Variants in STK32B observed in about 807,000 individuals in gnomAD.
STK32B encodes serine/threonine-protein kinase 32B.
Under a neutral mutation model 52.6 loss-of-function variants are expected in STK32B, and 43 were observed. The ratio of observed to expected loss-of-function variants is 0.82; its 90% confidence interval spans 0.64 to 1.05. The LOEUF (loss-of-function observed/expected upper bound fraction) is 1.05. Among genes scored for constraint, STK32B ranks in the 50% least tolerant of loss-of-function variants. STK32B has a pLI of 0.00. For missense variants in STK32B, 621 were observed against 534.6 expected, an observed-to-expected ratio of 1.16 and a Z score of -1.59; for synonymous variants, 238 against 204.3, an observed-to-expected ratio of 1.17 and a Z score of -1.41.
intron 1 of STK32B, among the ~76,000 whole-genome samples, chr4:5,106,016 T>C (rs1400990031): frequency 2.6e-5 from 4 of 151,984 alleles, no homozygotes. Context: ...ATAGAGGATA[T>C]CCTTGGCCAG....
intron 3 of STK32B, among the ~76,000 whole-genome samples, chr4:5,314,373 A>G (rs901494358): frequency 6.6e-6 from 1 of 152,198 alleles, no homozygotes; most frequent in East Asian, 1.9e-4. Context: ...TGCCTTACAT[A>G]TTTTTAAAAA....
At chr4:5,081,254 A>T (rs544679314) in intron 1 of STK32B, among the ~76,000 whole-genome samples, 1 of 152,134 alleles carries the variant, frequency 6.6e-6, no homozygotes, top group Non-Finnish European at 1.5e-5. Context: ...GGAGTTCCCT[A>T]TGTGTAGTGA....
At position 5,304,759 on chromosome 4, in the gene STK32B, C is replaced by T. The variant is rs561135472; in HGVS notation, c.261-26461C>T. 2.9e-3 allele frequency among the ~76,000 whole-genome samples: 342 copies of T among 118,482 alleles called. 1 individual carries two copies. The highest frequency in any genetic ancestry group is 4.3e-3 in the Non-Finnish European group (274 of 63,516). The allele number at this position is 118,482 out of a possible 152,430, so 77.7% of individuals were successfully genotyped here. A position where few individuals can be genotyped will look rare whatever the true frequency, so the allele number is the denominator to read the frequency against. ...TGAAAGCGGGCATCCTTGTCTTGTTCCAGTTATCGGGGAGGGGGGGTGCTT... is the reference window on the plus strand; with the variant it reads ...TGAAAGCGGGCATCCTTGTCTTGTTTCAGTTATCGGGGAGGGGGGGTGCTT... On this transcript the variant is annotated intron_variant, in intron 3 of 11. Transcript: ENST00000282908.
chr4:5,338,825 C>G (rs1274522244), intron 4 of STK32B, among the ~76,000 whole-genome samples: 4 of 152,156 alleles, frequency 2.6e-5, no homozygotes, highest in Non-Finnish European at 5.9e-5. Context: ...GTTTTAAAGT[C>G]TACTAGGCAA....
intron 1 of STK32B, among the ~76,000 whole-genome samples, chr4:5,091,392 A>G (rs888020949): frequency 3.9e-5 from 6 of 152,140 alleles, no homozygotes; most frequent in African/African-American, 1.4e-4. Context: ...TAAAAAGACA[A>G]CCCAATTTTA....
intron 3 of STK32B, among the ~76,000 whole-genome samples, chr4:5,291,226 ATAATTGTGTTGAATCTGTAGAT>A (rs1728874612): frequency 1.3e-5 from 2 of 152,158 alleles, no homozygotes; most frequent in African/African-American, 4.8e-5. Context: ...AATTTGGAAA[ATAATTGTGTTGAATCTGTAGAT>A]TAATTTCAAG....
chr4:5,498,139 T>TTGAG (rs1206582205), intron 11 of STK32B, among the ~76,000 whole-genome samples: 1 of 152,126 alleles, frequency 6.6e-6, no homozygotes, highest in Admixed American at 6.5e-5. Flanking sequence ...AGGATGTGAG[T>TTGAG]TGAGTTCTTC....
At position 5,172,846 on chromosome 4, in the gene STK32B, G is replaced by C. The variant is rs188676199; in HGVS notation, c.260+4396G>C. On this transcript the variant is annotated intron_variant, in intron 3 of 11. Coordinates refer to ENST00000282908, the MANE Select transcript of STK32B (RefSeq NM_018401.3). ...CATAAAATGAGTTAGGGAGGATTCT[G>C]TCTTTTTCTATTGATTGGAATAGTT... Among the ~76,000 whole-genome samples, 728 of 152,114 alleles carry C rather than the reference G, an allele frequency of 4.8e-3. 6 individuals carry two copies. Among genetic ancestry groups the C allele is most frequent in the Middle Eastern group, 0.014 (4 of 294 alleles).
intron 2 of STK32B, among the ~76,000 whole-genome samples, chr4:5,146,778 A>C (rs950055690): frequency 6.6e-6 from 1 of 152,174 alleles, no homozygotes; most frequent in Non-Finnish European, 1.5e-5. Flanking sequence ...CATTTGACCT[A>C]TTTGTTGATC....
At chr4:5,391,992 G>A (rs993654070) in intron 4 of STK32B, among the ~76,000 whole-genome samples, 4 of 152,136 alleles carry the variant, frequency 2.6e-5, no homozygotes, top group African/African-American at 7.2e-5. Flanking sequence ...GCACCACAGG[G>A]CCATTAGGAG....
intron 6 of STK32B, among the ~76,000 whole-genome samples, chr4:5,440,816 G>A (rs982860398): frequency 7.2e-5 from 11 of 151,926 alleles, no homozygotes; most frequent in African/African-American, 2.4e-4. Flanking sequence ...TAGCATGAAG[G>A]GTTGTTGAAT....
chr4:5,477,097 C>A (rs1718297159), intron 11 of STK32B, among the ~76,000 whole-genome samples: 1 of 152,136 alleles, frequency 6.6e-6, no homozygotes, highest in South Asian at 2.1e-4. Flanking sequence ...AGCAAGGAAA[C>A]AAATATACCT....
chr4:5,277,663 C>T (rs1462213248), intron 3 of STK32B, among the ~76,000 whole-genome samples: 1 of 152,202 alleles, frequency 6.6e-6, no homozygotes, highest in Non-Finnish European at 1.5e-5. Context: ...AAAAGCTGCA[C>T]TTCATCATTT....
chr4:5,138,108 A>C (rs937217049), intron 1 of STK32B, among the ~76,000 whole-genome samples: 5 of 152,216 alleles, frequency 3.3e-5, no homozygotes, highest in African/African-American at 9.7e-5. Context: ...ATGAGTAAGA[A>C]GTGAAAATAT....
chr4:5,300,203 C>T (rs1199310168), intron 3 of STK32B, among the ~76,000 whole-genome samples: 1 of 152,142 alleles, frequency 6.6e-6, no homozygotes, highest in Admixed American at 6.6e-5. Flanking sequence ...TCAATAGATG[C>T]AGAAAAAGCA....
At chr4:5,038,012 G>C in the STK32B span, among the ~76,000 whole-genome samples, 64 of 152,068 alleles carry the variant, frequency 4.2e-4, 1 homozygote, top group Non-Finnish European at 8.5e-4. Context: ...TCCTTGCTTT[G>C]CCAGACCCTT....
chr4:5,354,752 T>C (rs1734063513), intron 4 of STK32B, among the ~76,000 whole-genome samples: 1 of 152,230 alleles, frequency 6.6e-6, no homozygotes, highest in Non-Finnish European at 1.5e-5. Flanking sequence ...ATCCCAAATA[T>C]TCTGACTTGA....
chr4:5,346,030 G>A (rs1645767182), intron 4 of STK32B, among the ~76,000 whole-genome samples: 1 of 152,098 alleles, frequency 6.6e-6, no homozygotes, highest in Non-Finnish European at 1.5e-5. Context: ...GTGGGTGTAT[G>A]GTTGTTATTT....
chr4:5,233,925 C>T (rs116066642), intron 3 of STK32B, among the ~76,000 whole-genome samples: 72 of 152,028 alleles, frequency 4.7e-4, no homozygotes, highest in African/African-American at 1.4e-3. Context: ...ATGAGATGGC[C>T]GGAGTGTGCA....
Sources: allele counts gnomAD v4.1 joint callset (sites outside exome capture counted in the v4.1 genomes callset), GRCh38; gene constraint gnomAD v4.1.1; transcripts MANE v1.5; gene names NCBI Gene and HGNC (gene_info 2026-07-23, HGNC 2026-07-21).